The following FHL2 variants were observed in gnomAD, a reference collection of about 807,000 sequenced individuals.
FHL2 encodes four and a half LIM domains protein 2.
Under a neutral mutation model 32.7 loss-of-function variants are expected in FHL2, and 20 were observed. That is an observed-to-expected ratio of 0.61 (90% CI 0.43 to 0.89). The LOEUF (loss-of-function observed/expected upper bound fraction) is 0.89, where lower values mean the gene tolerates loss of function less well. FHL2 is among the 40% of genes least tolerant of loss of function. The pLI, the probability that FHL2 is intolerant of heterozygous loss-of-function variation, is 0.00. For missense variants in FHL2, 311 were observed against 358.6 expected, an observed-to-expected ratio of 0.87 and a Z score of 1.07; for synonymous variants, 123 against 128.1, an observed-to-expected ratio of 0.96 and a Z score of 0.27.
chr2:105,432,687 CAT>C (rs1246750525), intron 1 of FHL2, among the ~76,000 whole-genome samples: 4 of 147,506 alleles, frequency 2.7e-5, no homozygotes, highest in East Asian at 2.0e-4. Context: ...CACGCAGAGA[CAT>C]GTGTACACAG....
intron 1 of FHL2, among the ~76,000 whole-genome samples, chr2:105,423,855 C>T (rs970575426): frequency 8.5e-5 from 13 of 152,184 alleles, no homozygotes; most frequent in African/African-American, 3.1e-4. Context: ...CCCTTCCTTA[C>T]ACCTTGTACA....
rs371759004 is a variant in FHL2 at position 105,361,341 on chromosome 2, C to T, written c.782G>A (p.Arg261His). 4.9e-5 allele frequency: 79 copies of T among 1,613,904 alleles called. No individual in the cohort carries two copies. The highest frequency in any genetic ancestry group is 6.3e-5 in the Non-Finnish European group (74 of 1,179,882). ...CKKCSLSLVG[R>H]GFLTERDDIL... ...GTCGTCCCTCTCTGTGAGGAAGCCA[C>T]GCCCCACCAGTGAGAGGGAGCACTT... The change falls in exon 7 of 7, where the codon CGT (arginine) becomes CAT (histidine). Residue 261 changes from arginine (R) to histidine (H), a missense_variant. Transcript: ENST00000530340.
chr2:105,421,325 A>G (rs1684098823), intron 1 of FHL2, among the ~76,000 whole-genome samples: 1 of 152,146 alleles, frequency 6.6e-6, no homozygotes, highest in Non-Finnish European at 1.5e-5. Context: ...TTACAGGCCA[A>G]AGTTCAAAGA....
At chr2:105,421,170 C>A (rs1300686188) in intron 1 of FHL2, among the ~76,000 whole-genome samples, 3 of 152,240 alleles carry the variant, frequency 2.0e-5, no homozygotes, top group Admixed American at 1.3e-4. Flanking sequence ...AGAAAGTGAA[C>A]TGTCCCTGGT....
At chr2:105,377,991 C>A (rs1681598755) in intron 3 of FHL2, 1 of 461,054 alleles carries the variant, frequency 2.2e-6, no homozygotes, top group African/African-American at 2.0e-5. Context: ...CCTTTTGGGA[C>A]TGACCTTCAA....
In FHL2 at chr2:105,426,982, C is replaced by T. The variant is rs146599482; in HGVS notation, c.-25+11417G>A. Reference sequence around the variant, plus strand: ...GAACTGATCAAATAGGAAGGCATTTCGTTGGCTCTAGCCTAAAGGATCAAA... The same window carrying T: ...GAACTGATCAAATAGGAAGGCATTTTGTTGGCTCTAGCCTAAAGGATCAAA... On this transcript the variant is annotated intron_variant, in intron 1 of 5. Transcript: ENST00000393352. 2.5e-3 allele frequency among the ~76,000 whole-genome samples: 387 copies of T among 152,280 alleles called. 4 individuals carry two copies. Among genetic ancestry groups the T allele is most frequent in the African/African-American group, 8.7e-3 (362 of 41,570 alleles).
intron 4 of FHL2, among the ~76,000 whole-genome samples, chr2:105,371,137 G>A (rs1681033411): frequency 6.6e-6 from 1 of 152,188 alleles, no homozygotes. Context: ...CCATGAGAAA[G>A]GGAAGGTGTG....
In FHL2 at chr2:105,386,357, G is replaced by A. The variant is rs754295720; in HGVS notation, c.156+4C>T. 3.1e-6 allele frequency: 5 copies of A among 1,613,412 alleles called. No homozygotes were observed. The South Asian group carries it at 5.5e-5, about 18-fold the overall frequency. Reference sequence around the variant, plus strand: ...GGGGACCCGCAGAGGCCCGCAGCAGGTACCTTGCAGTCACAGCCGATGGGC... The same window carrying A: ...GGGGACCCGCAGAGGCCCGCAGCAGATACCTTGCAGTCACAGCCGATGGGC... On this transcript the variant is annotated splice_donor_region_variant and intron_variant, in intron 3 of 6. Transcript: ENST00000530340.
At chr2:105,380,629 T>C (rs34840777) in intron 3 of FHL2, among the ~76,000 whole-genome samples, 23,149 of 152,196 alleles carry the variant, frequency 0.15, 2,164 homozygotes, top group South Asian at 0.21. Flanking sequence ...TAGTACTCCA[T>C]TGTGAACAGC....
rs879678000 is a variant in FHL2, at chr2:105,394,402, T to TA, written c.-25+2244dup. On this transcript the variant is annotated intron_variant, in intron 2 of 6. Transcript: ENST00000530340. ...GGACCACAGTGTAAGACCCGGTCTCTAAAAAAAAAAAAAAATTTATATCAG... is the reference window on the plus strand; with the variant it reads ...GGACCACAGTGTAAGACCCGGTCTCTAAAAAAAAAAAAAAAATTTATATCAG... 1.9e-4 allele frequency among the ~76,000 whole-genome samples: 28 copies of TA among 145,598 alleles called. No homozygotes were observed. In the South Asian group the frequency reaches 2.8e-3, roughly 15 times the overall value.
intron 1 of FHL2, among the ~76,000 whole-genome samples, chr2:105,430,866 G>T (rs976827601): frequency 1.3e-5 from 2 of 152,156 alleles, no homozygotes; most frequent in Admixed American, 1.3e-4. Flanking sequence ...CCTTGCTGGG[G>T]TTCCCCACTA....
chr2:105,386,724 G>A (rs1482809163), intron 2 of FHL2, among the ~76,000 whole-genome samples, 184 bp from the exon 3 acceptor site: 1 of 146,604 alleles, frequency 6.8e-6, no homozygotes, highest in Non-Finnish European at 1.5e-5. Context: ...TTTTTCATTA[G>A]CTAGGGCGGT....
chr2:105,414,119 G>A (rs1683867259), intron 1 of FHL2, among the ~76,000 whole-genome samples: 1 of 152,166 alleles, frequency 6.6e-6, no homozygotes, highest in Admixed American at 6.5e-5. Flanking sequence ...ACAGAACTGA[G>A]GGAAGCACTT....
chr2:105,390,423 C>T (rs1440538587), intron 2 of FHL2, among the ~76,000 whole-genome samples: 1 of 152,132 alleles, frequency 6.6e-6, no homozygotes, highest in Admixed American at 6.5e-5. Flanking sequence ...GTGGGTCCAC[C>T]TGGGAGGAGG....
At chr2:105,394,634 GAAAA>G (rs1399470294) in intron 2 of FHL2, among the ~76,000 whole-genome samples, 1 of 151,600 alleles carries the variant, frequency 6.6e-6, no homozygotes, top group Middle Eastern at 3.2e-3. Context: ...AAGAAAGAAA[GAAAA>G]AAAGTATCTA....
At chr2:105,390,676 C>T (rs1362312171) in intron 2 of FHL2, among the ~76,000 whole-genome samples, 1 of 152,172 alleles carries the variant, frequency 6.6e-6, no homozygotes, top group African/African-American at 2.4e-5. Context: ...ACATACTGCA[C>T]AAGCCCTGAG....
At chr2:105,404,452 A>T (rs1291136191) in intron 1 of FHL2, among the ~76,000 whole-genome samples, 1 of 152,200 alleles carries the variant, frequency 6.6e-6, no homozygotes, top group Non-Finnish European at 1.5e-5. Flanking sequence ...ACAGTACCAG[A>T]TCCCAGGGTG....
At chr2:105,423,068 T>C (rs1219757594) in intron 1 of FHL2, among the ~76,000 whole-genome samples, 1 of 152,130 alleles carries the variant, frequency 6.6e-6, no homozygotes, top group African/African-American at 2.4e-5. Context: ...ACTCAGGAAG[T>C]GGTATCAAGC....
intron 6 of FHL2, 55 bp downstream of exon 6, chr2:105,363,230 A>G (rs1325106738): frequency 3.9e-6 from 6 of 1,555,716 alleles, no homozygotes; most frequent in Non-Finnish European, 5.3e-6. Context: ...CTAAAATGCT[A>G]GGCCTTGTTC....
Sources: allele counts gnomAD v4.1 joint callset (sites outside exome capture counted in the v4.1 genomes callset), GRCh38; gene constraint gnomAD v4.1.1; transcripts MANE v1.5; gene names NCBI Gene and HGNC (gene_info 2026-07-23, HGNC 2026-07-21).